The following UGGT2 variants were observed in gnomAD, a reference collection of about 807,000 sequenced individuals.
The protein encoded by UGGT2 is UDP-glucose glycoprotein glucosyltransferase 2, also known as UDP-glucose:glycoprotein glucosyltransferase 2.
UGGT2 carries 180 observed loss-of-function variants against 192.1 expected under a neutral mutation model. The observed-to-expected ratio is 0.94, with a 90% CI of 0.83 to 1.06. UGGT2 has a LOEUF of 1.06. UGGT2 is among the 50% of genes least tolerant of loss of function. The pLI is 0.00. For missense variants in UGGT2, 1,849 were observed against 1,795.7 expected (o/e 1.03, Z -0.54); for synonymous variants, 580 against 591.0 (o/e 0.98, Z 0.27).
intron 30 of UGGT2, among the ~76,000 whole-genome samples, chr13:95,864,133 T>A (rs1890420254): frequency 6.6e-6 from 1 of 152,124 alleles, no homozygotes; most frequent in Admixed American, 6.6e-5. Flanking sequence ...GTTCTTCTAT[T>A]GAGTATTTTT....
chr13:95,877,729 G>A lies in UGGT2; in HGVS notation c.3356C>T (p.Ala1119Val), dbSNP rs1197487582. 1 of 1,613,884 alleles carries A rather than the reference G, an allele frequency of 6.2e-7. No homozygotes were observed. Among genetic ancestry groups the A allele is most frequent in the Admixed American group, 1.7e-5 (1 of 59,998 alleles). Residue 1119 changes from alanine to valine, a missense_variant, in exon 28 of 39, where the codon GCT (alanine) becomes GTT (valine). Transcript: ENST00000376747. ...QFTLGTKNKP[A>V]VVDTIVMAHH... ...TGCCATCACTATTGTATCAACCACA[G>A]CAGGTTTATTTTTTGTGCCTAGTGT...
intron 37 of UGGT2, among the ~76,000 whole-genome samples, chr13:95,833,620 T>C (rs1287710494): frequency 1.6e-4 from 25 of 152,048 alleles, no homozygotes; most frequent in Non-Finnish European, 1.5e-5. Flanking sequence ...TCTTGGGAAA[T>C]TAAAGTTAAA....
At chr13:95,898,873 T>C (rs1257081562) in intron 22 of UGGT2, among the ~76,000 whole-genome samples, 1 of 152,198 alleles carries the variant, frequency 6.6e-6, no homozygotes. Context: ...TAAATTTCTG[T>C]TCTTTAATAG....
At chr13:95,958,815 G>A (rs2050294509) in intron 12 of UGGT2, among the ~76,000 whole-genome samples, 1 of 152,170 alleles carries the variant, frequency 6.6e-6, no homozygotes, top group African/African-American at 2.4e-5. Context: ...GGATTGGCTG[G>A]AAGCCTAGAG....
At chr13:95,905,406 C>A (rs1435179736) in intron 20 of UGGT2, among the ~76,000 whole-genome samples, 4 of 151,976 alleles carry the variant, frequency 2.6e-5, no homozygotes, top group African/African-American at 9.7e-5. Context: ...CCTAGGTTTT[C>A]TTGTAGGGTT....
In UGGT2 at chr13:95,949,378, A is replaced by G. The variant is rs1440974563; in HGVS notation, c.1412T>C (p.Phe471Ser). The G allele has an allele frequency of 6.3e-7, 1 of 1,583,390 alleles. No individual in the cohort carries two copies. The highest frequency in any genetic ancestry group is 1.2e-5 in the South Asian group (1 of 84,606). Residue 471 changes from phenylalanine (F) to serine (S), a missense_variant, in exon 13 of 39, where the codon TTT (phenylalanine) becomes TCT (serine). Transcript: ENST00000376747. ...CCTTATGGAAGGTACACTTCCAGGA[A>G]ATACTGGCTTCAGAAGTTTCTGGCA... is the stretch of plus-strand genomic sequence containing the variant. ...TSCQKLLKPV[F>S]PGSVPSIRRN...
At chr13:95,998,958 T>C (rs1286311404) in intron 6 of UGGT2, among the ~76,000 whole-genome samples, 1 of 152,150 alleles carries the variant, frequency 6.6e-6, no homozygotes, top group Non-Finnish European at 1.5e-5. Context: ...GCTGAAATGG[T>C]TGGGAGCCCA....
At chr13:95,823,850 TGTGA>T (rs758280600) in intron 38 of UGGT2, among the ~76,000 whole-genome samples, 2 of 152,072 alleles carry the variant, frequency 1.3e-5, no homozygotes, top group Non-Finnish European at 2.9e-5. Flanking sequence ...TTACAGGCTC[TGTGA>T]GTTTTTTATT....
At chr13:95,940,570 G>A (rs77441076) in intron 15 of UGGT2, among the ~76,000 whole-genome samples, 1,925 of 149,620 alleles carry the variant, frequency 0.013, 39 homozygotes, top group African/African-American at 0.046. Context: ...CTCCCACCTA[G>A]CCCCCTGGGT....
At chr13:95,865,809 T>C (rs1890603876) in intron 30 of UGGT2, among the ~76,000 whole-genome samples, 1 of 152,258 alleles carries the variant, frequency 6.6e-6, no homozygotes. Context: ...TAATTATCTT[T>C]GAAATTCCAT....
At chr13:95,830,965 C>T (rs962848422) in intron 38 of UGGT2, among the ~76,000 whole-genome samples, 1 of 152,162 alleles carries the variant, frequency 6.6e-6, no homozygotes, top group African/African-American at 2.4e-5. Flanking sequence ...AGGATGAGTT[C>T]ATGTCCTTTG....
At chr13:95,890,632 T>C (rs1282664758) in intron 25 of UGGT2, among the ~76,000 whole-genome samples, 1 of 152,164 alleles carries the variant, frequency 6.6e-6, no homozygotes, top group Non-Finnish European at 1.5e-5. Flanking sequence ...TGTGTTGAAA[T>C]ATGAATTTTG....
At chr13:96,007,287 G>C (rs944301283) in intron 5 of UGGT2, among the ~76,000 whole-genome samples, 5 of 152,130 alleles carry the variant, frequency 3.3e-5, no homozygotes, top group African/African-American at 1.2e-4. Flanking sequence ...ACTAGGTATA[G>C]AGGGAACATA....
intron 1 of UGGT2, 97 bp from the exon 2 acceptor site, chr13:96,032,068 A>C (rs879795241): frequency 5.3e-6 from 4 of 751,690 alleles, no homozygotes; most frequent in Non-Finnish European, 8.4e-6. Flanking sequence ...TCTATGGCAA[A>C]AACAAAAACC....
At position 95,819,917 on chromosome 13, in the gene UGGT2, G is replaced by A. The variant is rs1308078420; in HGVS notation, c.4528+13010C>T. Among the ~76,000 whole-genome samples, 9 of 152,288 alleles carry A rather than the reference G, an allele frequency of 5.9e-5. No homozygotes were observed. In the East Asian group the frequency reaches 1.5e-3, roughly 26 times the overall value. On this transcript the variant is annotated intron_variant, in intron 38 of 38. Transcript: ENST00000376747. Reference sequence around the variant, plus strand: ...CCATGCCTGTAATCCCAGCACTTTGGGAGGCCAAGGTGGGCAGATCACTTG... The same window carrying A: ...CCATGCCTGTAATCCCAGCACTTTGAGAGGCCAAGGTGGGCAGATCACTTG...
At chr13:95,814,816 T>C (rs1884744283) in intron 38 of UGGT2, among the ~76,000 whole-genome samples, 1 of 152,098 alleles carries the variant, frequency 6.6e-6, no homozygotes, top group African/African-American at 2.4e-5. Context: ...TGAACACAGA[T>C]GCAAAAATCT....
chr13:95,970,161 T>A lies in UGGT2; in HGVS notation c.1286A>T (p.His429Leu), dbSNP rs1248919708. Residue 429 changes from histidine (H) to leucine (L), a missense_variant, in exon 12 of 39, where the codon CAC becomes CTC. Physicochemically the swap from His to Leu is moderately conservative, Grantham distance 99. Coordinates refer to ENST00000376747, the MANE Select transcript of UGGT2 (RefSeq NM_020121.4). ...DMSKFLKLNS[H>L]IWEYTYVLDI... ...TAATACATAAGTATATTCCCAAATGTGTGAATTTAATTTTAAAAATTTGCT... is the reference window on the plus strand; with the variant it reads ...TAATACATAAGTATATTCCCAAATGAGTGAATTTAATTTTAAAAATTTGCT... 6.2e-7 allele frequency: 1 copy of A among 1,610,788 alleles called. No individual in the cohort carries two copies. Among genetic ancestry groups the A allele is most frequent in the African/African-American group, 1.3e-5 (1 of 74,850 alleles).
At chr13:95,917,652 T>C (rs1314738989) in intron 20 of UGGT2, among the ~76,000 whole-genome samples, 2 of 152,192 alleles carry the variant, frequency 1.3e-5, no homozygotes, top group African/African-American at 4.8e-5. Flanking sequence ...ATCAACACGC[T>C]GTCTTCAAGA....
Position 95,856,186 on chromosome 13 carries a change from T to C in UGGT2, c.3980A>G (p.Asp1327Gly), listed in dbSNP as rs1889592259. The change falls in exon 34 of 39, where the codon GAC (aspartate) becomes GGC (glycine). Residue 1327 changes from aspartate to glycine, a missense_variant. Asp to Gly is a moderately conservative substitution (Grantham distance 94). Transcript: ENST00000376747. ...GTCAGCATCAACAAAAATGATTTTG[T>C]CCACTGCTAGTGGGAAAAGAACATC... The part of the protein sequence containing the change: ...FLDVLFPLAV[D>G]KIIFVDADQI... 1 of 1,612,190 alleles carries C rather than the reference T, an allele frequency of 6.2e-7. No individual in the cohort carries two copies. Among genetic ancestry groups the C allele is most frequent in the East Asian group, 2.2e-5 (1 of 44,818 alleles).
Sources: gnomAD v4.1 joint callset for allele counts (sites outside exome capture counted in the v4.1 genomes callset) on GRCh38, gnomAD v4.1.1 for gene constraint, MANE v1.5 for transcripts, NCBI Gene and HGNC (gene_info 2026-07-23, HGNC 2026-07-21) for gene names.